The following HMGXB3 variants were observed in gnomAD, a reference collection of about 807,000 sequenced individuals.
HMGXB3 encodes the protein HMG-box containing 3.
Under a neutral mutation model 121.5 loss-of-function variants are expected in HMGXB3, and 45 were observed. The ratio of observed to expected loss-of-function variants is 0.37; its 90% confidence interval spans 0.29 to 0.47. The LOEUF (loss-of-function observed/expected upper bound fraction) is 0.47, where lower values mean the gene tolerates loss of function less well. Among genes scored for constraint, HMGXB3 ranks in the 20% least tolerant of loss-of-function variants. The probability of loss-of-function intolerance (pLI) is 0.99; values close to 1 mark genes in which losing one functional copy is unlikely to be tolerated. For missense variants in HMGXB3, 1,376 were observed against 1,602.2 expected (o/e 0.86, Z 2.41); for synonymous variants, 590 against 624.1 (o/e 0.95, Z 0.81).
At chr5:150,008,100 A>AC (rs1561849315) in intron 3 of HMGXB3, among the ~76,000 whole-genome samples, 1 of 133,222 alleles carries the variant, frequency 7.5e-6, no homozygotes, top group African/African-American at 2.9e-5. Flanking sequence ...CACACACACA[A>AC]ATCAGCAATC....
At position 150,027,075 on chromosome 5, in the gene HMGXB3, G is replaced by A; in HGVS notation, c.1692G>A (p.Leu564=). The A allele has an allele frequency of 6.4e-7, 1 of 1,551,678 alleles. No individual in the cohort carries two copies. Among genetic ancestry groups the A allele is most frequent in the East Asian group, 2.4e-5 (1 of 40,920 alleles). Reference sequence around the variant, plus strand: ...TGAAGCCAAGCACACTGAAGCAGCTGGGCCAGCCCATTCAACAGCCATCTG... The same window carrying A: ...TGAAGCCAAGCACACTGAAGCAGCTAGGCCAGCCCATTCAACAGCCATCTG... The part of the protein sequence containing the change: ...CGLKPSTLKQ[L]GQPIQQPSGP... Residue 564 remains leucine, a synonymous_variant, in exon 9 of 20, where the codon CTG becomes CTA. Transcript: ENST00000502717.
At chr5:150,044,703 A>C (rs1372593438) in intron 15 of HMGXB3, among the ~76,000 whole-genome samples, 1 of 152,154 alleles carries the variant, frequency 6.6e-6, no homozygotes, top group East Asian at 1.9e-4. Flanking sequence ...TAAATGCAAA[A>C]TTAGGAGTTT....
chr5:150,039,846 C>T lies in HMGXB3; in HGVS notation c.2414-902C>T, dbSNP rs10045964. ...CTTTGCACTTCTCCTTACCCTTCTTCACTGGGAACACATACTCCAAAATTT... is the reference window on the plus strand; with the variant it reads ...CTTTGCACTTCTCCTTACCCTTCTTTACTGGGAACACATACTCCAAAATTT... On this transcript the variant is annotated intron_variant, in intron 13 of 19. Coordinates refer to ENST00000502717, the MANE Select transcript of HMGXB3 (RefSeq NM_014983.3). Among the ~76,000 whole-genome samples the T allele has an allele frequency of 5.9e-3, 898 of 152,342 alleles. 10 individuals are homozygous for T. Among genetic ancestry groups the T allele is most frequent in the African/African-American group, 0.021 (857 of 41,568 alleles).
chr5:150,044,429 GCAAA>G (rs1756709479), intron 15 of HMGXB3, among the ~76,000 whole-genome samples: 1 of 152,118 alleles, frequency 6.6e-6, no homozygotes. Flanking sequence ...CTGTGAGGTG[GCAAA>G]CAAAGAGGAA....
chr5:150,008,055 T>TCACACA (rs70973560), intron 3 of HMGXB3, among the ~76,000 whole-genome samples: 303 of 130,086 alleles, frequency 2.3e-3, no homozygotes, highest in African/African-American at 6.5e-3. Context: ...AGACTCTGTT[T>TCACACA]CACACACACA....
chr5:150,030,674 C>T, intron 9 of HMGXB3, 67 bp from the exon 10 acceptor site: 1 of 1,201,038 alleles, frequency 8.3e-7, no homozygotes, highest in Non-Finnish European at 1.2e-6. Flanking sequence ...CAAGTCGTTT[C>T]AGGACATGGG....
At chr5:150,017,970 G>A (rs1192963523) in intron 5 of HMGXB3, among the ~76,000 whole-genome samples, 1 of 152,202 alleles carries the variant, frequency 6.6e-6, no homozygotes, top group Non-Finnish European at 1.5e-5. Context: ...TCAAAGGATA[G>A]GGCCTGGCTT....
chr5:150,011,402 AG>A (rs1381842557), intron 4 of HMGXB3, among the ~76,000 whole-genome samples: 1 of 152,120 alleles, frequency 6.6e-6, no homozygotes, highest in African/African-American at 2.4e-5. Context: ...AACCTTGGAG[AG>A]GATAGCATTC....
intron 5 of HMGXB3, chr5:150,014,879 G>T (rs939450798): frequency 1.5e-6 from 1 of 661,422 alleles, no homozygotes; most frequent in Non-Finnish European, 2.4e-6. Flanking sequence ...AATTTTCGGA[G>T]CTTCTGGAAC....
intron 5 of HMGXB3, among the ~76,000 whole-genome samples, chr5:150,014,193 A>G (rs1442460432): frequency 6.6e-6 from 1 of 152,252 alleles, no homozygotes; most frequent in Non-Finnish European, 1.5e-5. Context: ...ACCTTCACAC[A>G]GTGCAGACCT....
At chr5:150,037,212 T>C (rs764192656) in intron 12 of HMGXB3, among the ~76,000 whole-genome samples, 188 bp from the exon 13 acceptor site, 38 of 152,178 alleles carry the variant, frequency 2.5e-4, no homozygotes, top group South Asian at 8.3e-4. Flanking sequence ...TTGGTTAAAT[T>C]ATGTAATAAA....
chr5:150,018,926 G>A (rs1756020841), intron 6 of HMGXB3, among the ~76,000 whole-genome samples: 2 of 151,946 alleles, frequency 1.3e-5, no homozygotes, highest in Admixed American at 1.3e-4. Context: ...TAACATTTTG[G>A]TGTACTTCTT....
At chr5:150,026,147 A>G (rs1295326980) in intron 7 of HMGXB3, among the ~76,000 whole-genome samples, 6 of 152,124 alleles carry the variant, frequency 3.9e-5, no homozygotes, top group Admixed American at 3.9e-4. Flanking sequence ...GCTTTTTTTA[A>G]AAAAAATCAT....
rs1865000 is a variant in HMGXB3, at chr5:150,048,533, C to T, written c.3085-36C>T. 6.1e-3 allele frequency: 8,506 copies of T among 1,389,790 alleles called. 404 individuals are homozygous for T. In the African/African-American group the frequency reaches 0.11, roughly 17 times the overall value. The allele number at this position is 1,389,790 out of a possible 1,614,324, so 86.1% of individuals were successfully genotyped here. On this transcript the variant is annotated intron_variant, in intron 17 of 19. Transcript: ENST00000502717. ...GCACCAGCCGTGGTCCCTTAGCATT[C>T]GCCCTTATGTTTTTAATCTTGTCCT...
At chr5:150,026,920 G>A (rs1756245048) in intron 8 of HMGXB3, 39 bp downstream of exon 8, 1 of 1,512,836 alleles carries the variant, frequency 6.6e-7, no homozygotes, top group Non-Finnish European at 8.9e-7. Context: ...GGGGCTGTCT[G>A]ACAGGAAAGG....
At chr5:150,022,551 A>C (rs1756123264) in intron 6 of HMGXB3, among the ~76,000 whole-genome samples, 1 of 152,194 alleles carries the variant, frequency 6.6e-6, no homozygotes, top group Admixed American at 6.5e-5. Context: ...TGTTTTGCTC[A>C]GATTGCTTAA....
intron 11 of HMGXB3, among the ~76,000 whole-genome samples, chr5:150,035,721 C>A (rs1158710913): frequency 6.6e-6 from 1 of 152,012 alleles, no homozygotes; most frequent in African/African-American, 2.4e-5. Flanking sequence ...GTGATTTATG[C>A]TGCCTTGGCA....
At chr5:150,005,598 C>CA (rs760181326) in intron 2 of HMGXB3, among the ~76,000 whole-genome samples, 2,456 of 81,818 alleles carry the variant, frequency 0.03, 35 homozygotes, top group South Asian at 0.07. Context: ...AAACTCCTCT[C>CA]AAAAAAAAAA....
In HMGXB3 at chr5:150,041,434, G is replaced by A. The variant is rs116731249; in HGVS notation, c.2546-351G>A. On this transcript the variant is annotated intron_variant, in intron 14 of 19. Transcript: ENST00000502717. ...TGCCACTGTTGCAGTGTGATTTTGA[G>A]CAAGTTATTCTTGTGCCTCTGTTTC... Among the ~76,000 whole-genome samples the A allele has an allele frequency of 4.0e-3, 614 of 152,326 alleles. 3 individuals carry two copies. The highest frequency in any genetic ancestry group is 0.013 in the African/African-American group (534 of 41,578).
Sources: gnomAD v4.1 joint callset for allele counts (sites outside exome capture counted in the v4.1 genomes callset) on GRCh38, gnomAD v4.1.1 for gene constraint, MANE v1.5 for transcripts, NCBI Gene and HGNC (gene_info 2026-07-23, HGNC 2026-07-21) for gene names.